Variants in GPR160 observed in about 807,000 individuals in gnomAD.
The protein encoded by GPR160 is G protein-coupled receptor 160.
Under a neutral mutation model 2.6 loss-of-function variants are expected in GPR160, and 2 were observed. The ratio of observed to expected loss-of-function variants is 0.77; its 90% confidence interval spans 0.32 to 2.44. The LOEUF is 2.44. Among genes scored for constraint, GPR160 ranks in the 30% most tolerant of loss-of-function variants. The pLI, the probability that GPR160 is intolerant of heterozygous loss-of-function variation, is 0.11. For missense variants in GPR160, 351 were observed against 383.6 expected (o/e 0.91, Z 0.71); for synonymous variants, 130 against 132.2 (o/e 0.98, Z 0.12).
intron 2 of GPR160, among the ~76,000 whole-genome samples, chr3:170,063,564 A>AAC (rs1553768259): frequency 6.7e-6 from 1 of 149,844 alleles, no homozygotes; most frequent in African/African-American, 2.5e-5. Flanking sequence ...AAAAAAAAAA[A>AAC]AAAAAAAAAA....
At chr3:170,050,085 GTT>G (rs1716888587) in intron 2 of GPR160, among the ~76,000 whole-genome samples, 1 of 150,238 alleles carries the variant, frequency 6.7e-6, no homozygotes, top group Non-Finnish European at 1.5e-5. Flanking sequence ...TTGACACTGA[GTT>G]TCACTCTTGT....
At chr3:170,075,543 A>G (rs1318875765) in intron 2 of GPR160, among the ~76,000 whole-genome samples, 1 of 152,226 alleles carries the variant, frequency 6.6e-6, no homozygotes, top group Admixed American at 6.5e-5. Context: ...TTTGCTTCAC[A>G]TGGTCACTCA....
intron 2 of GPR160, among the ~76,000 whole-genome samples, chr3:170,073,325 T>C (rs1363028272): frequency 6.6e-6 from 1 of 152,226 alleles, no homozygotes; most frequent in Admixed American, 6.5e-5. Context: ...CATTTAGTCA[T>C]ATGATCCTTT....
chr3:170,072,432 C>T (rs987223563), intron 2 of GPR160, among the ~76,000 whole-genome samples: 1 of 152,216 alleles, frequency 6.6e-6, no homozygotes, highest in Middle Eastern at 3.4e-3. Context: ...ATTAAATTTC[C>T]GTTGTTTCTT....
chr3:170,084,109 G>A lies in GPR160; in HGVS notation c.137G>A (p.Arg46Lys), dbSNP rs2108200815. 1 of 1,596,304 alleles carries A rather than the reference G, an allele frequency of 6.3e-7. No homozygotes were observed. The highest frequency in any genetic ancestry group is 8.5e-7 in the Non-Finnish European group (1 of 1,170,794). ...ILLNILTLGM[R>K]RKNTCQNFME... ...TTAAATATCCTTACACTAGGAATGAGAAGAAAAAACACCTGTCAAAATTTT... is the reference window on the plus strand; with the variant it reads ...TTAAATATCCTTACACTAGGAATGAAAAGAAAAAACACCTGTCAAAATTTT... Residue 46 changes from arginine to lysine, a missense_variant, in exon 4 of 4, where the codon AGA becomes AAA. By Grantham distance (26) the Arg-to-Lys change is conservative. Transcript: ENST00000355897.
At chr3:170,066,429 G>A (rs1274188848) in intron 2 of GPR160, among the ~76,000 whole-genome samples, 8 of 151,910 alleles carry the variant, frequency 5.3e-5, no homozygotes, top group Non-Finnish European at 1.0e-4. Context: ...GTGAGCCACC[G>A]CGCCTGGCCA....
chr3:170,084,569 C>A lies in GPR160; in HGVS notation c.597C>A (p.Thr199=). 6.8e-6 allele frequency: 11 copies of A among 1,612,450 alleles called. No homozygotes were observed. The highest frequency in any genetic ancestry group is 9.3e-6 in the Non-Finnish European group (11 of 1,178,542). The change falls in exon 4 of 4, where the codon ACC becomes ACA. Residue 199 remains threonine, a synonymous_variant. Transcript: ENST00000355897. ...TGATTTTATTTGTAGCTTTCATAACCTGTTGGGAAGAAGTTACTACTTTGG... is the reference window on the plus strand; with the variant it reads ...TGATTTTATTTGTAGCTTTCATAACATGTTGGGAAGAAGTTACTACTTTGG... The part of the protein sequence containing the change: ...MVMILFVAFI[T]CWEEVTTLVQ...
chr3:170,063,666 C>T (rs1004677420), intron 2 of GPR160, among the ~76,000 whole-genome samples: 4 of 151,796 alleles, frequency 2.6e-5, no homozygotes, highest in African/African-American at 9.7e-5. Context: ...CCCCACACCG[C>T]GACGAGGTAT....
intron 2 of GPR160, among the ~76,000 whole-genome samples, chr3:170,067,953 C>T (rs948961038): frequency 6.6e-6 from 1 of 152,004 alleles, no homozygotes; most frequent in Non-Finnish European, 1.5e-5. Flanking sequence ...CAGCTGGATT[C>T]AGAGATTTAA....
chr3:170,044,123 G>A (rs909687669), intron 2 of GPR160, among the ~76,000 whole-genome samples: 1 of 151,886 alleles, frequency 6.6e-6, no homozygotes, highest in East Asian at 1.9e-4. Context: ...TTGGGAGTTC[G>A]AAACCAACCT....
chr3:170,043,435 G>A (rs1052536401), intron 2 of GPR160, among the ~76,000 whole-genome samples: 1 of 151,970 alleles, frequency 6.6e-6, no homozygotes, highest in Non-Finnish European at 1.5e-5. Flanking sequence ...CACCCTCCTC[G>A]GCCTCCCAAA....
chr3:170,052,073 A>C (rs1398686524), intron 2 of GPR160, among the ~76,000 whole-genome samples: 1 of 152,138 alleles, frequency 6.6e-6, no homozygotes, highest in African/African-American at 2.4e-5. Flanking sequence ...TTACAGGTGC[A>C]CGCCACCATG....
At chr3:170,042,308 C>G (rs573026512) in intron 2 of GPR160, among the ~76,000 whole-genome samples, 12 of 151,002 alleles carry the variant, frequency 7.9e-5, no homozygotes, top group African/African-American at 2.9e-4. Context: ...GTAGTCCCAG[C>G]TACTCAGGAG....
chr3:170,076,254 T>TA (rs574301995), intron 2 of GPR160, among the ~76,000 whole-genome samples: 1 of 152,130 alleles, frequency 6.6e-6, no homozygotes, highest in Non-Finnish European at 1.5e-5. Flanking sequence ...CACCTATTTT[T>TA]AAAAATAAGT....
intron 2 of GPR160, among the ~76,000 whole-genome samples, chr3:170,054,779 T>G (rs895509686): frequency 6.6e-6 from 1 of 151,778 alleles, no homozygotes; most frequent in African/African-American, 2.4e-5. Flanking sequence ...ACCTTCAGCA[T>G]GTATCAGAAT....
chr3:170,049,644 G>C (rs1716871383), intron 2 of GPR160, among the ~76,000 whole-genome samples: 1 of 152,164 alleles, frequency 6.6e-6, no homozygotes, highest in Non-Finnish European at 1.5e-5. Context: ...CACGCCTCCA[G>C]GGCTGGTGTA....
At chr3:170,054,152 T>G (rs998609747) in intron 2 of GPR160, among the ~76,000 whole-genome samples, 2 of 151,838 alleles carry the variant, frequency 1.3e-5, no homozygotes, top group East Asian at 3.9e-4. Context: ...GAGCCCTGCC[T>G]GCCCAACAAA....
chr3:170,060,784 TAATAAA>T (rs1711897897), intron 2 of GPR160, among the ~76,000 whole-genome samples: 3 of 151,612 alleles, frequency 2.0e-5, no homozygotes, highest in African/African-American at 7.3e-5. Context: ...ATAATACTAA[TAATAAA>T]AAGAAAAAGA....
At chr3:170,057,773 G>C (rs931454103) in intron 2 of GPR160, 1 of 152,266 alleles carries the variant, frequency 6.6e-6, no homozygotes, top group African/African-American at 2.4e-5. Flanking sequence ...TACCACAACT[G>C]AGCAGGAACA....
Sources: allele counts gnomAD v4.1 joint callset (sites outside exome capture counted in the v4.1 genomes callset), GRCh38; gene constraint gnomAD v4.1.1; transcripts MANE v1.5; gene names NCBI Gene and HGNC (gene_info 2026-07-23, HGNC 2026-07-21).